The following FSTL1 variants were observed in gnomAD, a reference collection of about 807,000 sequenced individuals.
FSTL1 encodes follistatin-related protein 1.
A neutral mutation model predicts 45.9 loss-of-function variants in FSTL1; 24 were observed. The ratio of observed to expected loss-of-function variants is 0.52; its 90% CI spans 0.38 to 0.74. The LOEUF (loss-of-function observed/expected upper bound fraction) is 0.74, where lower values mean the gene tolerates loss of function less well. Among genes scored for constraint, FSTL1 ranks in the 30% least tolerant of loss-of-function variants. FSTL1 has a pLI of 0.00. For synonymous variants in FSTL1, 120 were observed against 137.6 expected, an observed-to-expected ratio of 0.87 and a Z score of 0.89; for missense variants, 340 against 381.8, an observed-to-expected ratio of 0.89 and a Z score of 0.91.
chr3:120,406,631 T>A (rs567790010), intron 6 of FSTL1, among the ~76,000 whole-genome samples: 14 of 152,324 alleles, frequency 9.2e-5, no homozygotes, highest in African/African-American at 3.4e-4. Flanking sequence ...GCCAGAGTTG[T>A]ATGTAGAATC....
chr3:120,433,137 T>C (rs1937507352), intron 2 of FSTL1, among the ~76,000 whole-genome samples: 1 of 152,248 alleles, frequency 6.6e-6, no homozygotes, highest in Non-Finnish European at 1.5e-5. Context: ...TTCATATTCT[T>C]TGGGACATTA....
chr3:120,412,092 T>C, intron 3 of FSTL1, 109 bp from the exon 4 acceptor site: 1 of 1,034,104 alleles, frequency 9.7e-7, no homozygotes, highest in Non-Finnish European at 1.4e-6. Flanking sequence ...GTAAGGGGAC[T>C]CTCCACCACC....
At chr3:120,425,160 A>G (rs1230278346) in intron 2 of FSTL1, among the ~76,000 whole-genome samples, 2 of 152,130 alleles carry the variant, frequency 1.3e-5, no homozygotes, top group Non-Finnish European at 2.9e-5. Flanking sequence ...AGCAGAGTGT[A>G]GTTTGGATTT....
rs746073276 is a variant in FSTL1, at chr3:120,409,562, G to T, written c.432C>A (p.Asn144Lys). The part of the protein sequence containing the change: ...IPDGWFSKGS[N>K]YSEILDKYFK... ...AATACTTGTCTAGGATTTCACTGTA[G>T]TTGCTGCCTTTAGAGAACCAGCCAT... Residue 144 changes from asparagine to lysine, a missense_variant, in exon 6 of 11, where the codon AAC (asparagine) becomes AAA (lysine). Transcript: ENST00000295633. 1.9e-6 allele frequency: 3 copies of T among 1,613,892 alleles called. No individual in the cohort carries two copies. The South Asian group carries it at 3.3e-5, about 18-fold the overall frequency.
chr3:120,414,233 T>C (rs1937139007), intron 3 of FSTL1, among the ~76,000 whole-genome samples: 1 of 151,546 alleles, frequency 6.6e-6, no homozygotes, highest in South Asian at 2.1e-4. Flanking sequence ...CGTCTCTGCC[T>C]GGCCGCCTAT....
chr3:120,425,364 CAAA>C (rs5852246), intron 2 of FSTL1, among the ~76,000 whole-genome samples: 3 of 135,012 alleles, frequency 2.2e-5, no homozygotes, highest in African/African-American at 3.0e-5. Flanking sequence ...ATAAAACAGC[CAAA>C]AAAAAAAAAA....
intron 2 of FSTL1, among the ~76,000 whole-genome samples, chr3:120,420,668 C>G (rs1937261117): frequency 6.6e-6 from 1 of 152,202 alleles, no homozygotes; most frequent in Non-Finnish European, 1.5e-5. Flanking sequence ...TTCATACTTG[C>G]ACAGCAATTC....
In FSTL1 at chr3:120,443,207, C is replaced by T. The variant is rs552671753; in HGVS notation, c.63+7477G>A. On this transcript the variant is annotated intron_variant, in intron 2 of 10. Coordinates refer to ENST00000295633, the MANE Select transcript of FSTL1 (RefSeq NM_007085.5). ...CTGCCCAAGTGGAGTCTTTCAAATT[C>T]TGAGAAGGCAGGGGCCATCTATCCC... is the stretch of plus-strand genomic sequence containing the variant. Among the ~76,000 whole-genome samples, 3 of 149,694 alleles carry T rather than the reference C, an allele frequency of 2.0e-5. No individual in the cohort carries two copies. The South Asian group carries it at 6.2e-4, about 31-fold the overall frequency.
chr3:120,441,215 C>G (rs931562645), intron 2 of FSTL1: 12 of 152,246 alleles, frequency 7.9e-5, no homozygotes, highest in African/African-American at 2.9e-4. Flanking sequence ...ATGAAGACCA[C>G]AGCAAAATGG....
At chr3:120,438,202 T>C (rs1470310007) in intron 2 of FSTL1, 1 of 151,802 alleles carries the variant, frequency 6.6e-6, no homozygotes, top group Non-Finnish European at 1.5e-5. Context: ...TTTGTTTGCT[T>C]TTGTTTTTCA....
At chr3:120,418,060 T>C (rs1256448248) in intron 2 of FSTL1, among the ~76,000 whole-genome samples, 5 of 152,256 alleles carry the variant, frequency 3.3e-5, no homozygotes, top group Admixed American at 6.5e-5. Context: ...TTAACTTACA[T>C]TGTTGTTTTT....
chr3:120,415,110 ATGTT>A (rs1702066472), intron 3 of FSTL1, among the ~76,000 whole-genome samples: 2 of 147,642 alleles, frequency 1.4e-5, no homozygotes, highest in African/African-American at 5.1e-5. Flanking sequence ...ATACATATTC[ATGTT>A]TGTTTTTCAA....
At chr3:120,404,462 C>T (rs1403402354) in intron 7 of FSTL1, among the ~76,000 whole-genome samples, 3 of 152,184 alleles carry the variant, frequency 2.0e-5, no homozygotes, top group African/African-American at 7.2e-5. Context: ...TGAAATAGCA[C>T]TAATTATCTA....
chr3:120,393,107 T>C lies in FSTL1; in HGVS notation c.*3845A>G, dbSNP rs1486743439. On this transcript the variant is annotated 3_prime_UTR_variant, in exon 11 of 11. Coordinates refer to ENST00000295633, the MANE Select transcript of FSTL1 (RefSeq NM_007085.5). ...GTTGTGGACAAGGTACCCTTCAAAC[T>C]GGGTTTAAGATTCCCTTCTGAGAAT... is the stretch of plus-strand genomic sequence containing the variant. 1 of 152,186 alleles carries C rather than the reference T, an allele frequency of 6.6e-6. No individual in the cohort carries two copies. The highest frequency in any genetic ancestry group is 2.4e-5 in the African/African-American group (1 of 41,456). 9.4% of individuals were successfully genotyped at this position (152,186 alleles called of 1,614,324 possible). A position where few individuals can be genotyped will look rare whatever the true frequency, so the allele number is the denominator to read the frequency against.
chr3:120,435,640 C>A (rs1937537235), intron 2 of FSTL1, among the ~76,000 whole-genome samples: 1 of 152,230 alleles, frequency 6.6e-6, no homozygotes, highest in Non-Finnish European at 1.5e-5. Context: ...AATACATGCA[C>A]ACACTTCAGC....
At chr3:120,431,803 T>C (rs1320342622) in intron 2 of FSTL1, among the ~76,000 whole-genome samples, 1 of 152,210 alleles carries the variant, frequency 6.6e-6, no homozygotes. Flanking sequence ...CTGAAGTCAA[T>C]AGAGATTATC....
intron 2 of FSTL1, 64 bp downstream of exon 2, chr3:120,450,620 C>T: frequency 8.7e-7 from 1 of 1,147,740 alleles, no homozygotes; most frequent in Non-Finnish European, 1.2e-6. Flanking sequence ...CGCGCCCACC[C>T]GCCCAGCGCG....
Position 120,395,965 on chromosome 3 carries a change from G to A in FSTL1, c.*987C>T, listed in dbSNP as rs1936690481. 3.4e-6 allele frequency: 1 copy of A among 290,850 alleles called. No individual in the cohort carries two copies. The highest frequency in any genetic ancestry group is 2.3e-5 in the African/African-American group (1 of 43,684). The allele number at this position is 290,850 out of a possible 1,614,324, so 18.0% of individuals were successfully genotyped here. ...TCAGAATAAATAAAAACAAATTAAT[G>A]TTTGGATCTTGAAAGTTTTTTATGA... is the stretch of plus-strand genomic sequence containing the variant. On this transcript the variant is annotated 3_prime_UTR_variant, in exon 11 of 11. Transcript: ENST00000295633.
intron 1 of FSTL1, 48 bp downstream of exon 1, chr3:120,450,849 C>G (rs967638931): frequency 2.6e-6 from 2 of 774,872 alleles, no homozygotes; most frequent in African/African-American, 3.7e-5. Flanking sequence ...CCAAGCACCC[C>G]CGGCCGCCCG....
Sources: allele counts gnomAD v4.1 joint callset (sites outside exome capture counted in the v4.1 genomes callset), GRCh38; gene constraint gnomAD v4.1.1; transcripts MANE v1.5; gene names NCBI Gene and HGNC (gene_info 2026-07-23, HGNC 2026-07-21).